CLEC16A: variants seen among roughly 807,000 people sequenced by gnomAD.
The protein encoded by CLEC16A is C-type lectin domain containing 16A, also known as protein CLEC16A.
Under a neutral mutation model 109.5 loss-of-function variants are expected in CLEC16A, and 51 were observed. The observed-to-expected ratio is 0.47, with a 90% confidence interval of 0.37 to 0.59. CLEC16A has a LOEUF of 0.59. CLEC16A is among the 20% of genes least tolerant of loss of function. The pLI is 0.00. For synonymous variants in CLEC16A, 673 were observed against 564.2 expected (o/e 1.19, Z -2.73); for missense variants, 1,339 against 1,394.0 (o/e 0.96, Z 0.63).
chr16:11,104,393 A>T (rs772924816), intron 19 of CLEC16A, among the ~76,000 whole-genome samples: 3 of 151,968 alleles, frequency 2.0e-5, no homozygotes, highest in Non-Finnish European at 4.4e-5. Context: ...CTCCCAAAGG[A>T]TGGGATTACA....
At chr16:10,966,224 GA>G (rs999433736) in intron 3 of CLEC16A, among the ~76,000 whole-genome samples, 2 of 152,202 alleles carry the variant, frequency 1.3e-5, no homozygotes, top group Non-Finnish European at 2.9e-5. Context: ...GAAAAGGAAA[GA>G]AGGAATGAAC....
Position 11,059,452 on chromosome 16 carries a change from T to C in CLEC16A, c.1996-1450T>C, listed in dbSNP as rs548032172. Among the ~76,000 whole-genome samples, 15 of 152,330 alleles carry C rather than the reference T, an allele frequency of 9.8e-5. No homozygotes were observed. The East Asian group carries it at 2.5e-3, about 25-fold the overall frequency. ...CTCTTCCAGTTCCAACATTAGGAAG[T>C]TGCTCCAAGGTCTCCCACTGGTTAG... On this transcript the variant is annotated intron_variant, in intron 18 of 23. Coordinates refer to ENST00000409790, the MANE Select transcript of CLEC16A (RefSeq NM_015226.3).
intron 13 of CLEC16A, among the ~76,000 whole-genome samples, chr16:11,025,265 G>T (rs1268633582): frequency 6.6e-6 from 1 of 152,166 alleles, no homozygotes; most frequent in Non-Finnish European, 1.5e-5. Flanking sequence ...CATCAGAACT[G>T]AAATCAGTCA....
intron 19 of CLEC16A, among the ~76,000 whole-genome samples, chr16:11,101,571 C>T (rs1483791823): frequency 6.6e-6 from 1 of 152,214 alleles, no homozygotes; most frequent in African/African-American, 2.4e-5. Flanking sequence ...CTCTCCAACA[C>T]CTTGGATGTC....
chr16:11,013,143 A>G (rs1311562423), intron 11 of CLEC16A, among the ~76,000 whole-genome samples: 1 of 151,924 alleles, frequency 6.6e-6, no homozygotes, highest in African/African-American at 2.4e-5. Context: ...GAACATGCAG[A>G]CTCCACATAG....
intron 18 of CLEC16A, chr16:11,056,844 A>G (rs1365234155): frequency 2.0e-5 from 3 of 152,242 alleles, no homozygotes; most frequent in Admixed American, 6.5e-5. Flanking sequence ...AAAAGAGTGT[A>G]CTGTGGTCTT....
chr16:11,052,659 G>A (rs1315837442), intron 18 of CLEC16A, among the ~76,000 whole-genome samples: 1 of 152,152 alleles, frequency 6.6e-6, no homozygotes, highest in East Asian at 1.9e-4. Flanking sequence ...TCTGTTTGTG[G>A]GTGGCAGTGT....
At position 11,123,813 on chromosome 16, in the gene CLEC16A, C is replaced by T; in HGVS notation, c.2340C>T (p.Ser780=). 5 of 1,614,054 alleles carry T rather than the reference C, an allele frequency of 3.1e-6. No homozygotes were observed. The highest frequency in any genetic ancestry group is 2.2e-5 in the East Asian group (1 of 44,888). The part of the protein sequence containing the change: ...LNITIHKPAS[S]PHSKPFPILQ... ...TCACCATCCACAAGCCTGCGTCCAG[C>T]CCCCATTCCAAGCCCTTCCCCATCC... The change falls in exon 21 of 24, where the codon AGC becomes AGT. Residue 780 remains serine (S), a synonymous_variant. Coordinates refer to ENST00000409790, the MANE Select transcript of CLEC16A (RefSeq NM_015226.3).
chr16:11,023,699 A>T (rs1463778158), intron 12 of CLEC16A, among the ~76,000 whole-genome samples: 2 of 152,202 alleles, frequency 1.3e-5, no homozygotes, highest in South Asian at 2.1e-4. Flanking sequence ...CAAAGGTTAT[A>T]TAGTGAACAC....
intron 19 of CLEC16A, among the ~76,000 whole-genome samples, chr16:11,113,032 A>G (rs2051706837): frequency 6.6e-6 from 1 of 152,218 alleles, no homozygotes; most frequent in South Asian, 2.1e-4. Context: ...CAGACTGTGC[A>G]CGTGCACATG....
chr16:10,973,197 T>C (rs1266331370), intron 7 of CLEC16A, 136 bp downstream of exon 7: 10 of 963,964 alleles, frequency 1.0e-5, no homozygotes, highest in Non-Finnish European at 1.3e-5. Context: ...TTCCGTACTG[T>C]AAAAGGTCCT....
rs556361559 is a variant in CLEC16A at position 11,172,221 on chromosome 16, T to C, written c.2806+5669T>C. Among the ~76,000 whole-genome samples, 7 of 152,156 alleles carry C rather than the reference T, an allele frequency of 4.6e-5. No individual in the cohort carries two copies. The South Asian group carries it at 1.5e-3, about 32-fold the overall frequency. Reference sequence around the variant, plus strand: ...ACTCACATACACAGCCACATTCACATACATGCACACACTCATACAGTCACA... The same window carrying C: ...ACTCACATACACAGCCACATTCACACACATGCACACACTCATACAGTCACA... On this transcript the variant is annotated intron_variant, in intron 23 of 23. Coordinates refer to ENST00000409790, the MANE Select transcript of CLEC16A (RefSeq NM_015226.3).
At chr16:11,013,214 A>C (rs1003541421) in intron 11 of CLEC16A, among the ~76,000 whole-genome samples, 1 of 152,228 alleles carries the variant, frequency 6.6e-6, no homozygotes, top group East Asian at 1.9e-4. Flanking sequence ...TTATAATGCA[A>C]CAATGTTGAA....
intron 11 of CLEC16A, among the ~76,000 whole-genome samples, chr16:11,014,292 C>A (rs1337064626): frequency 6.6e-6 from 1 of 152,174 alleles, no homozygotes; most frequent in South Asian, 2.1e-4. Context: ...TTCTTCATTC[C>A]TTTTCACAGC....
chr16:10,991,122 A>C (rs2043980497), intron 10 of CLEC16A, among the ~76,000 whole-genome samples: 1 of 152,074 alleles, frequency 6.6e-6, no homozygotes, highest in Admixed American at 6.5e-5. Flanking sequence ...AGCAAATAGT[A>C]ACATCAGGGC....
intron 20 of CLEC16A, among the ~76,000 whole-genome samples, chr16:11,122,997 G>A (rs1030778841): frequency 4.3e-5 from 6 of 140,824 alleles, no homozygotes; most frequent in African/African-American, 8.1e-5. Flanking sequence ...TCTGCCTTCC[G>A]GGTTCAAGCG....
chr16:10,958,801 G>T (rs2042113506), intron 2 of CLEC16A, among the ~76,000 whole-genome samples: 1 of 152,170 alleles, frequency 6.6e-6, no homozygotes, highest in Non-Finnish European at 1.5e-5. Context: ...CTACTCAGAA[G>T]GTTGAGGTGG....
chr16:10,959,549 G>A (rs916243472), intron 2 of CLEC16A, among the ~76,000 whole-genome samples: 10 of 149,758 alleles, frequency 6.7e-5, no homozygotes, highest in Admixed American at 1.3e-4. Context: ...GCACCACCAC[G>A]TGGGGCTAAT....
At chr16:11,023,512 G>T (rs741179) in intron 12 of CLEC16A, among the ~76,000 whole-genome samples, 1 of 151,976 alleles carries the variant, frequency 6.6e-6, no homozygotes, top group Non-Finnish European at 1.5e-5. Context: ...GAGAAATGGG[G>T]ATGGAACATA....
Sources: gnomAD v4.1 joint callset for allele counts (sites outside exome capture counted in the v4.1 genomes callset) on GRCh38, gnomAD v4.1.1 for gene constraint, MANE v1.5 for transcripts, NCBI Gene and HGNC (gene_info 2026-07-23, HGNC 2026-07-21) for gene names.